GPBP1: variants seen among roughly 807,000 people sequenced by gnomAD.
GPBP1 encodes the protein vasculin.
Under a neutral mutation model 56.5 loss-of-function variants are expected in GPBP1, and 13 were observed. The observed-to-expected ratio is 0.23, with a 90% CI of 0.15 to 0.37. The LOEUF (loss-of-function observed/expected upper bound fraction) is 0.37. Among genes scored for constraint, GPBP1 ranks in the 10% least tolerant of loss-of-function variants. GPBP1 has a pLI of 1.00. For synonymous variants in GPBP1, 204 were observed against 188.9 expected (o/e 1.08, Z -0.66); for missense variants, 477 against 572.3 (o/e 0.83, Z 1.70).
intron 10 of GPBP1, among the ~76,000 whole-genome samples, chr5:57,260,155 G>C (rs946102068): frequency 6.6e-6 from 1 of 152,188 alleles, no homozygotes; most frequent in African/African-American, 2.4e-5. Context: ...AATCATGTAA[G>C]CTGAACCAAG....
intron 5 of GPBP1, among the ~76,000 whole-genome samples, chr5:57,231,962 C>T (rs1407009577): frequency 6.6e-6 from 1 of 152,014 alleles, no homozygotes; most frequent in African/African-American, 2.4e-5. Flanking sequence ...GAGCTCATGC[C>T]AAGATGCGAT....
chr5:57,234,816 GGA>G (rs1005115099), intron 5 of GPBP1, among the ~76,000 whole-genome samples: 1 of 152,082 alleles, frequency 6.6e-6, no homozygotes, highest in Admixed American at 6.6e-5. Context: ...GCAAGGAAAT[GGA>G]GACCTCAGTC....
intron 2 of GPBP1, among the ~76,000 whole-genome samples, chr5:57,182,099 T>G (rs778729170): frequency 1.4e-4 from 22 of 152,352 alleles, no homozygotes; most frequent in Non-Finnish European, 2.1e-4. Context: ...TTTTATAAAT[T>G]TTTTGAGACG....
intron 2 of GPBP1, among the ~76,000 whole-genome samples, chr5:57,185,288 T>G (rs1754237295): frequency 6.7e-6 from 1 of 150,058 alleles, no homozygotes. Flanking sequence ...AAAGACAGAG[T>G]TTTGCTGTTG....
chr5:57,208,338 A>G (rs973273262), intron 2 of GPBP1, among the ~76,000 whole-genome samples: 4 of 151,784 alleles, frequency 2.6e-5, no homozygotes, highest in East Asian at 1.9e-4. Context: ...GGCTCAAGCA[A>G]TCCTTCCGCC....
At chr5:57,255,723 G>A (rs1333434897) in intron 10 of GPBP1, among the ~76,000 whole-genome samples, 1 of 152,106 alleles carries the variant, frequency 6.6e-6, no homozygotes, top group Admixed American at 6.5e-5. Context: ...AAAACAGTTG[G>A]CCCATACCTT....
At chr5:57,207,351 C>G (rs1156943793) in intron 2 of GPBP1, among the ~76,000 whole-genome samples, 2 of 151,868 alleles carry the variant, frequency 1.3e-5, no homozygotes, top group Non-Finnish European at 2.9e-5. Flanking sequence ...AATAGTGAAA[C>G]TTAGTGAAAG....
At chr5:57,175,214 C>T (rs1369663107) in intron 1 of GPBP1, among the ~76,000 whole-genome samples, 1 of 152,116 alleles carries the variant, frequency 6.6e-6, no homozygotes, top group African/African-American at 2.4e-5. Flanking sequence ...TGAAATCTGC[C>T]CTTGCCCTCC....
In GPBP1 at chr5:57,175,714, T is replaced by G. The variant is rs1039571522; in HGVS notation, c.-744T>G. The G allele has an allele frequency of 1.3e-5, 5 of 396,370 alleles. No individual in the cohort carries two copies. The highest frequency in any genetic ancestry group is 1.0e-4 in the African/African-American group (5 of 48,596). The allele number at this position is 396,370 out of a possible 1,614,324, so 24.6% of individuals were successfully genotyped here. ...GTTACAGTATTTCAGCTGGTGGTAA[T>G]TTTTGCCTCCCCTTCCCCCACCCCG... is the stretch of plus-strand genomic sequence containing the variant. On this transcript the variant is annotated 5_prime_UTR_variant, in exon 2 of 12. Transcript: ENST00000506184.
rs1753764062 is a variant in GPBP1, at chr5:57,175,670, C to T, written c.-788C>T. 5 of 396,552 alleles carry T rather than the reference C, an allele frequency of 1.3e-5. 1 individual carries two copies. The highest frequency in any genetic ancestry group is 1.3e-3 in the Middle Eastern group (2 of 1,578). 24.6% of individuals were successfully genotyped at this position (396,552 alleles called of 1,614,324 possible). On this transcript the variant is annotated 5_prime_UTR_variant, in exon 2 of 12. Coordinates refer to ENST00000506184, the MANE Select transcript of GPBP1 (RefSeq NM_022913.4). ...GCAGCATTTCTTCAGTATTTTGGTTCAAACGGATTATATAACTGGTTACAG... is the reference window on the plus strand; with the variant it reads ...GCAGCATTTCTTCAGTATTTTGGTTTAAACGGATTATATAACTGGTTACAG...
At chr5:57,183,765 A>ATTTTTTTTTTTTTTTTTTTT (rs34608817) in intron 2 of GPBP1, among the ~76,000 whole-genome samples, 3 of 133,282 alleles carry the variant, frequency 2.3e-5, no homozygotes, top group Non-Finnish European at 4.7e-5. Context: ...GGGGATATGA[A>ATTTTTTTTTTTTTTTTTTTT]TTTTTTTTTT....
At chr5:57,185,661 G>A (rs1050126155) in intron 2 of GPBP1, among the ~76,000 whole-genome samples, 7 of 151,932 alleles carry the variant, frequency 4.6e-5, no homozygotes, top group African/African-American at 7.3e-5. Context: ...GCATCTTTCC[G>A]TGTGTTTTGG....
At chr5:57,176,811 G>C (rs1248145981) in intron 2 of GPBP1, among the ~76,000 whole-genome samples, 2 of 152,150 alleles carry the variant, frequency 1.3e-5, no homozygotes, top group Admixed American at 6.5e-5. Flanking sequence ...AGTTGACTTT[G>C]CAAATGTGAG....
Position 57,235,948 on chromosome 5 carries a change from A to G in GPBP1, c.412-18A>G. On this transcript the variant is annotated intron_variant, in intron 5 of 11. Coordinates refer to ENST00000506184, the MANE Select transcript of GPBP1 (RefSeq NM_022913.4). Reference sequence around the variant, plus strand: ...TTTATTTTTAAAATGTGAAATGTTTATTCCAACTTTCTTCCAGCCGTCTTT... The same window carrying G: ...TTTATTTTTAAAATGTGAAATGTTTGTTCCAACTTTCTTCCAGCCGTCTTT... The G allele has an allele frequency of 6.4e-7, 1 of 1,570,860 alleles. No individual in the cohort carries two copies. Among genetic ancestry groups the G allele is most frequent in the Non-Finnish European group, 8.8e-7 (1 of 1,141,934 alleles).
intron 2 of GPBP1, among the ~76,000 whole-genome samples, chr5:57,198,959 A>G (rs774427599): frequency 6.6e-6 from 1 of 152,110 alleles, no homozygotes; most frequent in Non-Finnish European, 1.5e-5. Context: ...TCTTTAGGTA[A>G]TAGGCATCTG....
At chr5:57,211,375 A>G (rs541012893) in intron 2 of GPBP1, among the ~76,000 whole-genome samples, 3 of 151,598 alleles carry the variant, frequency 2.0e-5, no homozygotes, top group Non-Finnish European at 4.4e-5. Context: ...TTTTGTAGAG[A>G]CGGGAGTCTT....
At chr5:57,233,993 T>C (rs752756521) in intron 5 of GPBP1, among the ~76,000 whole-genome samples, 7 of 152,234 alleles carry the variant, frequency 4.6e-5, no homozygotes, top group African/African-American at 7.2e-5. Flanking sequence ...TTGGCTATTA[T>C]AATCCTAGAC....
intron 2 of GPBP1, among the ~76,000 whole-genome samples, chr5:57,189,013 A>G (rs1561325082): frequency 6.6e-6 from 1 of 151,770 alleles, no homozygotes. Context: ...TTTCTTTGCG[A>G]CGAAGTTTCA....
intron 3 of GPBP1, among the ~76,000 whole-genome samples, chr5:57,227,747 A>G (rs981541060): frequency 2.6e-5 from 4 of 152,220 alleles, no homozygotes; most frequent in South Asian, 4.1e-4. Context: ...ACCATGAGTA[A>G]TAAAGTCTTT....
Sources: allele counts gnomAD v4.1 joint callset (sites outside exome capture counted in the v4.1 genomes callset), GRCh38; gene constraint gnomAD v4.1.1; transcripts MANE v1.5; gene names NCBI Gene and HGNC (gene_info 2026-07-23, HGNC 2026-07-21).